The following COL11A1 variants were observed in gnomAD, a reference collection of about 807,000 sequenced individuals.
COL11A1 encodes the protein collagen alpha-1(XI) chain.
A neutral mutation model predicts 265.2 loss-of-function variants in COL11A1; 74 were observed. The observed-to-expected ratio is 0.28, with a 90% CI of 0.23 to 0.34. The LOEUF is 0.34. Ranked by LOEUF, COL11A1 falls within the 10% of genes least tolerant of loss-of-function variation. The pLI is 1.00. For synonymous variants in COL11A1, 816 were observed against 727.6 expected (o/e 1.12, Z -1.96); for missense variants, 2,165 against 2,263.6 (o/e 0.96, Z 0.88).
At chr1:102,965,610 A>T in intron 37 of COL11A1, 70 bp from the exon 38 acceptor site, 1 of 1,250,554 alleles carries the variant, frequency 8.0e-7, no homozygotes, top group Admixed American at 1.7e-5. Flanking sequence ...TCTATGAGAT[A>T]GCTGAATAAG....
intron 8 of COL11A1, among the ~76,000 whole-genome samples, chr1:103,022,539 T>C (rs112401875): frequency 2.6e-5 from 4 of 152,278 alleles, no homozygotes; most frequent in African/African-American, 9.6e-5. Context: ...AAATAATGAC[T>C]CCAAAAGTAT....
At chr1:102,988,743 A>C (rs555517691) in intron 29 of COL11A1, among the ~76,000 whole-genome samples, 3 of 152,218 alleles carry the variant, frequency 2.0e-5, no homozygotes. Flanking sequence ...TGTTATAGAG[A>C]GAGGGAAAAA....
intron 53 of COL11A1, 142 bp from the exon 54 acceptor site, chr1:102,912,354 A>T: frequency 3.1e-6 from 2 of 649,050 alleles, no homozygotes; most frequent in East Asian, 5.6e-5. Context: ...GCCCTATTTC[A>T]GATACCTAAA....
chr1:102,943,114 A>G (rs1658902211), intron 42 of COL11A1, among the ~76,000 whole-genome samples: 1 of 152,088 alleles, frequency 6.6e-6, no homozygotes, highest in South Asian at 2.1e-4. Context: ...TTATTGATAA[A>G]GTAGATAAAT....
At chr1:103,010,981 C>T (rs546429752) in intron 14 of COL11A1, among the ~76,000 whole-genome samples, 41 of 151,986 alleles carry the variant, frequency 2.7e-4, no homozygotes, top group African/African-American at 7.7e-4. Context: ...ATTACAGGTG[C>T]GAGCCACCGC....
chr1:103,037,875 A>C (rs558979041), intron 4 of COL11A1, among the ~76,000 whole-genome samples: 1 of 152,222 alleles, frequency 6.6e-6, no homozygotes, highest in South Asian at 2.1e-4. Flanking sequence ...AGAAATATCT[A>C]AGATTAGATA....
At chr1:102,910,283 G>T (rs1251872687) in intron 54 of COL11A1, among the ~76,000 whole-genome samples, 1 of 151,842 alleles carries the variant, frequency 6.6e-6, no homozygotes, top group African/African-American at 2.4e-5. Flanking sequence ...AATGGCTAAA[G>T]AAACAAATAC....
intron 1 of COL11A1, among the ~76,000 whole-genome samples, chr1:103,092,784 C>T (rs1263910027): frequency 6.6e-6 from 1 of 152,062 alleles, no homozygotes; most frequent in East Asian, 1.9e-4. Flanking sequence ...CCTTGAAAAG[C>T]ACCAGGGAAC....
intron 46 of COL11A1, among the ~76,000 whole-genome samples, chr1:102,926,065 A>G (rs1676487): frequency 0.19 from 29,251 of 151,978 alleles, 3,571 homozygotes; most frequent in African/African-American, 0.34. Flanking sequence ...AAAATATCCC[A>G]ATAGAAAAAA....
Position 102,961,943 on chromosome 1 carries a change from G to C in COL11A1, c.3115-24C>G, listed in dbSNP as rs551254277. ...CCCTGGGAAAAGTGAAAAAAATAAA[G>C]AAAATGAATCCATATGAATTGAATA... On this transcript the variant is annotated intron_variant, in intron 40 of 66. Coordinates refer to ENST00000370096, the MANE Select transcript of COL11A1 (RefSeq NM_001854.4). 13 of 1,605,960 alleles carry C rather than the reference G, an allele frequency of 8.1e-6. No homozygotes were observed. In the East Asian group the frequency reaches 2.7e-4, roughly 33 times the overall value.
intron 35 of COL11A1, 129 bp from the exon 36 acceptor site, chr1:102,975,012 A>G (rs1003909986): frequency 2.8e-6 from 2 of 726,582 alleles, no homozygotes; most frequent in African/African-American, 1.7e-5. Flanking sequence ...TGACAGAACT[A>G]TGGTAATACA....
intron 54 of COL11A1, among the ~76,000 whole-genome samples, chr1:102,900,879 C>G (rs1489787155): frequency 6.6e-6 from 1 of 151,900 alleles, no homozygotes; most frequent in Non-Finnish European, 1.5e-5. Context: ...TTTATTTATT[C>G]CTTATATGTT....
intron 4 of COL11A1, among the ~76,000 whole-genome samples, chr1:103,054,959 A>C (rs141388148): frequency 6.6e-6 from 1 of 152,278 alleles, no homozygotes; most frequent in Non-Finnish European, 1.5e-5. Context: ...ACTGCAACAC[A>C]CAGATTAAAG....
chr1:102,898,043 TA>T, intron 57 of COL11A1, 81 bp downstream of exon 57: 1 of 866,450 alleles, frequency 1.2e-6, no homozygotes, highest in South Asian at 1.6e-5. Context: ...ATTTATAAAC[TA>T]AAATGTCAAA....
At chr1:102,978,516 A>G (rs1662719449) in intron 35 of COL11A1, among the ~76,000 whole-genome samples, 192 bp downstream of exon 35, 1 of 152,226 alleles carries the variant, frequency 6.6e-6, no homozygotes, top group African/African-American at 2.4e-5. Flanking sequence ...TAACAAAATT[A>G]GTAGAACATA....
intron 4 of COL11A1, among the ~76,000 whole-genome samples, chr1:103,048,646 G>T (rs531294380): frequency 7.2e-5 from 11 of 152,176 alleles, no homozygotes; most frequent in African/African-American, 2.6e-4. Context: ...GCTAGCTTTT[G>T]AATGTGTTTG....
At position 102,902,589 on chromosome 1, in the gene COL11A1, A is replaced by G. The variant is rs1441028701; in HGVS notation, c.4087-3595T>C. On this transcript the variant is annotated intron_variant, in intron 54 of 66. Coordinates refer to ENST00000370096, the MANE Select transcript of COL11A1 (RefSeq NM_001854.4). ...CTATGAATCTCCTAGAAAGGTATAT[A>G]ATCTCTTCAGTGATTCTCAAATTAA... 2.6e-5 allele frequency among the ~76,000 whole-genome samples: 4 copies of G among 151,954 alleles called. No homozygotes were observed. In the East Asian group the frequency reaches 7.7e-4, roughly 29 times the overall value.
At chr1:103,040,688 T>C (rs1442335825) in intron 4 of COL11A1, among the ~76,000 whole-genome samples, 5 of 151,776 alleles carry the variant, frequency 3.3e-5, no homozygotes, top group Non-Finnish European at 7.4e-5. Flanking sequence ...TTTAAAATAC[T>C]AAAGAGGATT....
chr1:102,890,624 A>T (rs2100865731), intron 57 of COL11A1, 120 bp from the exon 58 acceptor site: 1 of 674,222 alleles, frequency 1.5e-6, no homozygotes, highest in East Asian at 2.9e-5. Context: ...AATAGTAATG[A>T]TTAATGTTGC....
Sources: allele counts gnomAD v4.1 joint callset (sites outside exome capture counted in the v4.1 genomes callset), GRCh38; gene constraint gnomAD v4.1.1; transcripts MANE v1.5; gene names NCBI Gene and HGNC (gene_info 2026-07-23, HGNC 2026-07-21).